Variants in AKAP12 observed in about 807,000 individuals in gnomAD.
AKAP12 encodes A-kinase anchor protein 12.
In AKAP12, 32 loss-of-function variants were observed where a neutral mutation model predicts 79.9. The ratio of observed to expected loss-of-function variants is 0.40; its 90% CI spans 0.30 to 0.54. The LOEUF is 0.54. Among genes scored for constraint, AKAP12 ranks in the 20% least tolerant of loss-of-function variants. The pLI is 0.48. For missense variants in AKAP12, 2,074 were observed against 2,177.0 expected, an observed-to-expected ratio of 0.95 and a Z score of 0.94; for synonymous variants, 808 against 857.0, an observed-to-expected ratio of 0.94 and a Z score of 1.00.
chr6:151,271,112 C>G (rs771695148), intron 2 of AKAP12, among the ~76,000 whole-genome samples: 1 of 152,076 alleles, frequency 6.6e-6, no homozygotes, highest in African/African-American at 2.4e-5. Context: ...ACCAAATATG[C>G]CGAAGCAGTT....
At position 151,350,230 on chromosome 6, in the gene AKAP12, C is replaced by G; in HGVS notation, c.1839C>G (p.Phe613Leu). ...KREGVTPWASFKKMVTPKKRV... is the reference protein window; with the variant it reads ...KREGVTPWASLKKMVTPKKRV... ...AAGGTGTCACTCCCTGGGCATCATT[C>G]AAAAAGATGGTGACGCCCAAGAAGC... Residue 613 changes from phenylalanine to leucine, a missense_variant, in exon 4 of 5, where the codon TTC (phenylalanine) becomes TTG (leucine). Physicochemically the swap from Phe to Leu is conservative, Grantham distance 22. Transcript: ENST00000402676. This position sits in a 1 kb window ranked among gnomAD's most constrained non-coding sequence, Gnocchi z 4.8. 1.2e-6 allele frequency: 2 copies of G among 1,613,840 alleles called. No homozygotes were observed. The highest frequency in any genetic ancestry group is 1.6e-4 in the Middle Eastern group (1 of 6,062).
At chr6:151,309,275 C>T (rs1777040267) in intron 3 of AKAP12, among the ~76,000 whole-genome samples, 6 of 152,168 alleles carry the variant, frequency 3.9e-5, no homozygotes, top group Admixed American at 3.9e-4. Context: ...TGACACTGAC[C>T]TGTAGGATTT....
intron 3 of AKAP12, chr6:151,325,104 C>G: frequency 1.0e-6 from 1 of 985,410 alleles, no homozygotes; most frequent in Non-Finnish European, 1.2e-6. Context: ...TTCTGAGAGC[C>G]CTTCTCAAAG....
rs1306609136 is a variant in AKAP12, at chr6:151,355,963, TA to T, written c.*252del. ...CTACAATTTTCCCTTGATAACCATA[TA>T]AATTCTGATTTAAGGTCCTAAATTC... On this transcript the variant is annotated 3_prime_UTR_variant, in exon 5 of 5. Transcript: ENST00000402676. 2 of 152,762 alleles carry T rather than the reference TA, an allele frequency of 1.3e-5. No individual in the cohort carries two copies. Among genetic ancestry groups the T allele is most frequent in the East Asian group, 3.9e-4 (2 of 5,186 alleles). 9.5% of individuals were successfully genotyped at this position (152,762 alleles called of 1,614,324 possible). A position where few individuals can be genotyped will look rare whatever the true frequency, so the allele number is the denominator to read the frequency against.
intron 3 of AKAP12, chr6:151,324,596 T>C: frequency 1.0e-6 from 1 of 985,424 alleles, no homozygotes; most frequent in Non-Finnish European, 1.2e-6. Context: ...CTTCATTCTC[T>C]GAAGAGAAGT....
Position 151,350,358 on chromosome 6 carries a change from A to T in AKAP12, c.1967A>T (p.Glu656Val). ...AGCACAGCCTCTGAAATGCAAGAAG[A>T]AATGAAAGGGAGCGTGGAAGAGCCA... is the stretch of plus-strand genomic sequence containing the variant. ...TESTASEMQEEMKGSVEEPKP... is the reference protein window; with the variant it reads ...TESTASEMQEVMKGSVEEPKP... The change falls in exon 4 of 5, where the codon GAA becomes GTA. Residue 656 changes from glutamate to valine, a missense_variant. By Grantham distance (121) the Glu-to-Val change is moderately radical (BLOSUM62 -2). Coordinates refer to ENST00000402676, the MANE Select transcript of AKAP12 (RefSeq NM_005100.4). This position sits in a 1 kb window ranked among gnomAD's most constrained non-coding sequence, Gnocchi z 4.8. 1.2e-6 allele frequency: 2 copies of T among 1,613,920 alleles called. No individual in the cohort carries two copies. The highest frequency in any genetic ancestry group is 3.3e-4 in the Middle Eastern group (2 of 6,062).
intron 2 of AKAP12, among the ~76,000 whole-genome samples, chr6:151,255,206 C>T (rs561334127): frequency 1.3e-5 from 2 of 151,440 alleles, no homozygotes; most frequent in African/African-American, 2.4e-5. Context: ...GCTCTTGTTG[C>T]CCAGGCTGGA....
At chr6:151,256,395 G>T (rs544681417) in intron 2 of AKAP12, among the ~76,000 whole-genome samples, 127 of 152,266 alleles carry the variant, frequency 8.3e-4, no homozygotes, top group Admixed American at 2.0e-3. Context: ...GTAGTATTTT[G>T]TGGCTCTGCT....
chr6:151,355,192 TC>T (rs1005250427), intron 4 of AKAP12, among the ~76,000 whole-genome samples: 15 of 151,406 alleles, frequency 9.9e-5, no homozygotes, highest in African/African-American at 2.7e-4. Flanking sequence ...AGACGGAGTT[TC>T]CCCCAGGATG....
intron 3 of AKAP12, among the ~76,000 whole-genome samples, chr6:151,321,646 C>T (rs1777390287): frequency 6.6e-6 from 1 of 152,048 alleles, no homozygotes; most frequent in South Asian, 2.1e-4. Context: ...CTGTAATGAA[C>T]ATTGATGGAC....
intron 2 of AKAP12, among the ~76,000 whole-genome samples, chr6:151,278,248 C>T (rs1004138720): frequency 7.2e-5 from 11 of 152,200 alleles, no homozygotes; most frequent in African/African-American, 2.7e-4. Flanking sequence ...CGGAGTCTCA[C>T]TCTGTCACTC....
At chr6:151,320,425 C>G (rs979471347) in intron 3 of AKAP12, among the ~76,000 whole-genome samples, 3 of 151,982 alleles carry the variant, frequency 2.0e-5, no homozygotes, top group Non-Finnish European at 4.4e-5. Flanking sequence ...CGGCCTGTGT[C>G]ACTACTTTGT....
At chr6:151,274,058 A>T (rs1184013253) in intron 2 of AKAP12, among the ~76,000 whole-genome samples, 1 of 151,710 alleles carries the variant, frequency 6.6e-6, no homozygotes, top group East Asian at 1.9e-4. Context: ...AATGAGGTCA[A>T]AATGGTTTCC....
intron 2 of AKAP12, among the ~76,000 whole-genome samples, chr6:151,245,010 A>G (rs1689066417): frequency 6.6e-6 from 1 of 152,246 alleles, no homozygotes; most frequent in African/African-American, 2.4e-5. Context: ...ACTAATTTCT[A>G]TGCCTTTACA....
At chr6:151,344,140 C>G (rs940097383) in intron 3 of AKAP12, among the ~76,000 whole-genome samples, 1 of 152,180 alleles carries the variant, frequency 6.6e-6, no homozygotes, top group Non-Finnish European at 1.5e-5. Flanking sequence ...CGCCTCAGAT[C>G]AAAATAATGA....
At chr6:151,355,523 G>A (rs932997869) in intron 4 of AKAP12, among the ~76,000 whole-genome samples, 1 of 151,404 alleles carries the variant, frequency 6.6e-6, no homozygotes, top group Middle Eastern at 3.2e-3. Context: ...GGATGGTCTC[G>A]ATCTCTTTAC....
At chr6:151,291,911 C>T (rs1187397555) in intron 2 of AKAP12, among the ~76,000 whole-genome samples, 1 of 152,188 alleles carries the variant, frequency 6.6e-6, no homozygotes, top group Non-Finnish European at 1.5e-5. Flanking sequence ...ATGTGCAGTG[C>T]CTTCTATCTT....
chr6:151,301,034 T>C (rs1169561593), intron 2 of AKAP12, among the ~76,000 whole-genome samples: 3 of 152,212 alleles, frequency 2.0e-5, no homozygotes, highest in Non-Finnish European at 4.4e-5. Flanking sequence ...AAGTGAAATA[T>C]ACATTTCCTC....
intron 2 of AKAP12, among the ~76,000 whole-genome samples, chr6:151,251,633 A>G (rs1365993465): frequency 6.6e-6 from 1 of 152,216 alleles, no homozygotes; most frequent in Non-Finnish European, 1.5e-5. Context: ...CCATGCCAAA[A>G]AATTTATACT....
Sources: gnomAD v4.1 joint callset for allele counts (sites outside exome capture counted in the v4.1 genomes callset) on GRCh38, gnomAD v4.1.1 for gene constraint, Gnocchi (gnomAD v3.1) non-coding constraint, MANE v1.5 for transcripts, NCBI Gene and HGNC (gene_info 2026-07-23, HGNC 2026-07-21) for gene names.